The following SLIT3 variants were observed in gnomAD, a reference collection of about 807,000 sequenced individuals.
SLIT3 encodes slit homolog 3 protein.
In SLIT3, 68 loss-of-function variants were observed where a neutral mutation model predicts 184.0. The ratio of observed to expected loss-of-function variants is 0.37; its 90% CI spans 0.30 to 0.45. SLIT3 has a LOEUF of 0.45. Among genes scored for constraint, SLIT3 ranks in the 20% least tolerant of loss-of-function variants. The pLI, the probability that SLIT3 is intolerant of heterozygous loss-of-function variation, is 1.00. For synonymous variants in SLIT3, 831 were observed against 828.6 expected, an observed-to-expected ratio of 1.00 and a Z score of -0.05; for missense variants, 1,707 against 2,026.0, an observed-to-expected ratio of 0.84 and a Z score of 3.02.
At chr5:168,946,115 C>T (rs764279468) in intron 4 of SLIT3, among the ~76,000 whole-genome samples, 3 of 152,134 alleles carry the variant, frequency 2.0e-5, no homozygotes, top group Non-Finnish European at 4.4e-5. Context: ...AAACAATTTC[C>T]CTGAGTTTAC....
chr5:169,268,923 C>A (rs986834351), intron 1 of SLIT3, among the ~76,000 whole-genome samples: 9 of 151,758 alleles, frequency 5.9e-5, no homozygotes, highest in Admixed American at 5.2e-4. Flanking sequence ...AAGGGGGACA[C>A]TCTTATTATC....
chr5:169,272,483 G>T (rs537604178), intron 1 of SLIT3, among the ~76,000 whole-genome samples: 1 of 152,334 alleles, frequency 6.6e-6, no homozygotes, highest in African/African-American at 2.4e-5. Context: ...CCAACCTAGC[G>T]TAAAAGCTCT....
intron 4 of SLIT3, among the ~76,000 whole-genome samples, chr5:168,987,560 C>G (rs781101354): frequency 6.6e-6 from 1 of 152,194 alleles, no homozygotes; most frequent in African/African-American, 2.4e-5. Flanking sequence ...ATAGGAGATA[C>G]TACATGCAAA....
chr5:168,791,821 T>C (rs1183947015), intron 10 of SLIT3: 2 of 152,180 alleles, frequency 1.3e-5, no homozygotes, highest in Non-Finnish European at 2.9e-5. Context: ...ACACAATGGA[T>C]CTCTTGAACT....
chr5:168,950,902 A>G (rs1449617252), intron 4 of SLIT3, among the ~76,000 whole-genome samples: 1 of 152,186 alleles, frequency 6.6e-6, no homozygotes, highest in Non-Finnish European at 1.5e-5. Flanking sequence ...AGCCTTCACA[A>G]TTCGATATAT....
At chr5:169,081,022 G>A (rs1372013200) in intron 4 of SLIT3, among the ~76,000 whole-genome samples, 1 of 152,182 alleles carries the variant, frequency 6.6e-6, no homozygotes, top group Non-Finnish European at 1.5e-5. Context: ...CACTGTGGCT[G>A]CCCCCGCCCC....
chr5:168,698,353 A>G (rs1762119469), intron 27 of SLIT3, among the ~76,000 whole-genome samples: 2 of 152,150 alleles, frequency 1.3e-5, no homozygotes, highest in Admixed American at 6.5e-5. Flanking sequence ...CCCTAATCCA[A>G]TATAACAGGT....
chr5:169,282,903 A>G (rs1018523480), intron 1 of SLIT3, among the ~76,000 whole-genome samples: 1 of 152,216 alleles, frequency 6.6e-6, no homozygotes, highest in Non-Finnish European at 1.5e-5. Context: ...ACAAAATCCC[A>G]ACATCCAAAA....
At chr5:168,863,838 G>A (rs566541840) in intron 5 of SLIT3, among the ~76,000 whole-genome samples, 17 of 152,254 alleles carry the variant, frequency 1.1e-4, no homozygotes, top group South Asian at 8.3e-4. Flanking sequence ...CTTCTGCCCC[G>A]TTCCCCAAGT....
At chr5:169,130,008 C>T (rs532278438) in intron 4 of SLIT3, among the ~76,000 whole-genome samples, 4 of 152,208 alleles carry the variant, frequency 2.6e-5, no homozygotes, top group Admixed American at 6.5e-5. Context: ...ACAACTGCGC[C>T]GGGCTAATTT....
chr5:168,796,042 C>G (rs1432693506), intron 9 of SLIT3, among the ~76,000 whole-genome samples: 1 of 152,200 alleles, frequency 6.6e-6, no homozygotes, highest in Non-Finnish European at 1.5e-5. Context: ...GCAGAAATGT[C>G]AATGGTTGAC....
intron 13 of SLIT3, 43 bp from the exon 14 acceptor site, chr5:168,772,987 G>T (rs1244706139): frequency 5.2e-6 from 8 of 1,541,160 alleles, no homozygotes; most frequent in Non-Finnish European, 7.0e-6. Flanking sequence ...GACCCACGGC[G>T]TCTTGCTCCA....
chr5:169,079,251 C>A (rs1200049141), intron 4 of SLIT3, among the ~76,000 whole-genome samples: 2 of 152,168 alleles, frequency 1.3e-5, no homozygotes, highest in African/African-American at 4.8e-5. Flanking sequence ...GTGTAACCCA[C>A]AGAATCAAAG....
intron 1 of SLIT3, among the ~76,000 whole-genome samples, chr5:169,275,091 C>T (rs9313451): frequency 2.6e-5 from 4 of 152,294 alleles, no homozygotes; most frequent in African/African-American, 9.6e-5. Context: ...TCAGTGCACT[C>T]GAATGCCAGA....
At chr5:169,035,536 C>G (rs1365328275) in intron 4 of SLIT3, among the ~76,000 whole-genome samples, 1 of 151,386 alleles carries the variant, frequency 6.6e-6, no homozygotes, top group East Asian at 1.9e-4. Context: ...GTAGTCCCAG[C>G]TGCTCGGGAG....
At chr5:168,789,507 C>T in intron 11 of SLIT3, 53 bp downstream of exon 11, 1 of 1,401,652 alleles carries the variant, frequency 7.1e-7, no homozygotes, top group Non-Finnish European at 1.0e-6. Flanking sequence ...GTCTCTCTTC[C>T]CTCCAGCGCC....
rs573327803 is a variant in SLIT3, at chr5:168,980,696, C to A, written c.414-97360G>T. 2.0e-5 allele frequency among the ~76,000 whole-genome samples: 3 copies of A among 152,202 alleles called. No homozygotes were observed. The South Asian group carries it at 6.2e-4, about 32-fold the overall frequency. On this transcript the variant is annotated intron_variant, in intron 4 of 35. Coordinates refer to ENST00000519560, the MANE Select transcript of SLIT3 (RefSeq NM_003062.4). ...CCCAAGAAATACTTATGAAGGCAGA[C>A]AAAGATAGATTTACAACGGTATCAG...
At chr5:169,265,758 A>G (rs1370555806) in intron 1 of SLIT3, among the ~76,000 whole-genome samples, 1 of 152,234 alleles carries the variant, frequency 6.6e-6, no homozygotes, top group African/African-American at 2.4e-5. Context: ...CTGGTCATGC[A>G]GTAAGTACTC....
At chr5:168,750,106 T>C (rs143879549) in intron 18 of SLIT3, among the ~76,000 whole-genome samples, 227 of 152,234 alleles carry the variant, frequency 1.5e-3, no homozygotes, top group African/African-American at 4.7e-3. Context: ...ATAGCACCCA[T>C]GGGAGTGTGC....
Sources: gnomAD v4.1 joint callset for allele counts (sites outside exome capture counted in the v4.1 genomes callset) on GRCh38, gnomAD v4.1.1 for gene constraint, MANE v1.5 for transcripts, NCBI Gene and HGNC (gene_info 2026-07-23, HGNC 2026-07-21) for gene names.